The following GFRA2 variants were observed in gnomAD, a reference collection of about 807,000 sequenced individuals.
GFRA2 encodes GDNF family receptor alpha 2.
Under a neutral mutation model 48.3 loss-of-function variants are expected in GFRA2, and 17 were observed. That is an observed-to-expected ratio of 0.35 (90% CI 0.24 to 0.53). The LOEUF is 0.53. Ranked by LOEUF, GFRA2 falls within the 20% of genes least tolerant of loss-of-function variation. The pLI is 0.93. For missense variants in GFRA2, 660 were observed against 637.3 expected (o/e 1.04, Z -0.38); for synonymous variants, 305 against 257.2 (o/e 1.19, Z -1.78).
chr8:21,784,049 T>A (rs1807147766), intron 1 of GFRA2, among the ~76,000 whole-genome samples: 1 of 151,826 alleles, frequency 6.6e-6, no homozygotes, highest in South Asian at 2.1e-4. Context: ...GCCTTGCAAA[T>A]GGAACCTTGC....
chr8:21,727,541 C>T (rs554795163), intron 4 of GFRA2, among the ~76,000 whole-genome samples: 1 of 152,198 alleles, frequency 6.6e-6, no homozygotes, highest in Non-Finnish European at 1.5e-5. Context: ...CATCACGGCC[C>T]CCCCCAGGAG....
intron 3 of GFRA2, chr8:21,769,209 G>A (rs1806323889): frequency 4.1e-6 from 4 of 983,306 alleles, no homozygotes; most frequent in Non-Finnish European, 4.8e-6. Flanking sequence ...ATTATTTACT[G>A]AACAAAACAT....
At chr8:21,803,440 G>C (rs1024110740) in intron 2 of GFRA2, among the ~76,000 whole-genome samples, 51 of 152,252 alleles carry the variant, frequency 3.3e-4, no homozygotes, top group African/African-American at 1.2e-3. Flanking sequence ...GGGGTGTTTG[G>C]CTAATCAGAG....
At chr8:21,699,462 T>C (rs762980126) in intron 7 of GFRA2, among the ~76,000 whole-genome samples, 60 of 152,110 alleles carry the variant, frequency 3.9e-4, no homozygotes, top group Non-Finnish European at 6.8e-4. Flanking sequence ...TCCCTGGTGC[T>C]GGGAAAGGTG....
intron 4 of GFRA2, among the ~76,000 whole-genome samples, chr8:21,744,834 T>C (rs1423650143): frequency 6.6e-6 from 1 of 152,140 alleles, no homozygotes; most frequent in Non-Finnish European, 1.5e-5. Flanking sequence ...GCTCGTGCGA[T>C]ATGAACCAGA....
chr8:21,725,138 A>T (rs1440736100), intron 4 of GFRA2, among the ~76,000 whole-genome samples: 1 of 152,228 alleles, frequency 6.6e-6, no homozygotes, highest in Non-Finnish European at 1.5e-5. Flanking sequence ...CCATCTTCAA[A>T]GCAGAACCAG....
At chr8:21,785,305 A>C (rs1807216535) in intron 1 of GFRA2, among the ~76,000 whole-genome samples, 2 of 152,098 alleles carry the variant, frequency 1.3e-5, no homozygotes, top group African/African-American at 4.8e-5. Flanking sequence ...GCCACCTGGC[A>C]CGTGTGGCCA....
intron 7 of GFRA2, among the ~76,000 whole-genome samples, chr8:21,696,693 G>A (rs1802193700): frequency 6.6e-6 from 1 of 152,206 alleles, no homozygotes; most frequent in Non-Finnish European, 1.5e-5. Context: ...AAGGGGGCCT[G>A]CAACTGGACT....
chr8:21,699,522 G>C (rs901696282), intron 7 of GFRA2, among the ~76,000 whole-genome samples: 1 of 152,146 alleles, frequency 6.6e-6, no homozygotes, highest in Admixed American at 6.5e-5. Context: ...TCTGGGCCCA[G>C]AGTAGCCCCA....
chr8:21,727,782 G>A (rs769609109), intron 4 of GFRA2, among the ~76,000 whole-genome samples: 3 of 152,166 alleles, frequency 2.0e-5, no homozygotes, highest in East Asian at 1.9e-4. Flanking sequence ...CGGTCTCTCC[G>A]CAATGACAGC....
At chr8:21,779,249 G>A (rs376308414) in intron 2 of GFRA2, among the ~76,000 whole-genome samples, 4 of 152,170 alleles carry the variant, frequency 2.6e-5, no homozygotes, top group Non-Finnish European at 5.9e-5. Context: ...AGGCACTCCC[G>A]ATCAAGGGGC....
upstream of GFRA2, among the ~76,000 whole-genome samples, chr8:21,790,773 CCT>C (rs1460557347): frequency 6.6e-6 from 1 of 152,214 alleles, no homozygotes; most frequent in African/African-American, 2.4e-5. Flanking sequence ...TTCCTCCAAG[CCT>C]CTCATGTTCT....
At position 21,804,200 on chromosome 8, in the gene GFRA2, G is replaced by GCACA. The variant is rs146613602; in HGVS notation, c.-36+813_-36+816dup. On this transcript the variant is annotated intron_variant, in intron 2 of 10. Transcript: ENST00000517328. Reference sequence around the variant, plus strand: ...AGTCACTAATTTTACATACATACATGCACACACACACACACACACACACAC... The same window carrying GCACA: ...AGTCACTAATTTTACATACATACATGCACACACACACACACACACACACACACAC... 4.4e-3 allele frequency among the ~76,000 whole-genome samples: 639 copies of GCACA among 145,138 alleles called. 3 individuals carry two copies. Among genetic ancestry groups the GCACA allele is most frequent in the African/African-American group, 0.014 (578 of 40,176 alleles).
intron 4 of GFRA2, chr8:21,706,431 A>T: frequency 2.2e-6 from 1 of 463,526 alleles, no homozygotes. Flanking sequence ...GCCCTGGATG[A>T]GCCTGCCCAA....
intron 2 of GFRA2, among the ~76,000 whole-genome samples, chr8:21,802,191 G>A (rs1807784365): frequency 6.6e-6 from 1 of 152,200 alleles, no homozygotes; most frequent in Admixed American, 6.5e-5. Flanking sequence ...CCACTTTCTA[G>A]CTGCCTGGCT....
intron 1 of GFRA2, 136 bp downstream of exon 1, chr8:21,787,984 C>T (rs1331561072): frequency 2.1e-6 from 1 of 472,518 alleles, no homozygotes. Context: ...GCTCGGTTCG[C>T]CAGCACCGGG....
upstream of GFRA2, among the ~76,000 whole-genome samples, chr8:21,792,581 T>C (rs1807591791): frequency 6.6e-6 from 1 of 152,074 alleles, no homozygotes; most frequent in African/African-American, 2.4e-5. Context: ...TATGAGAAGA[T>C]ACTGAAAAAA....
At chr8:21,761,880 G>A (rs13257704) in intron 3 of GFRA2, among the ~76,000 whole-genome samples, 5,800 of 152,136 alleles carry the variant, frequency 0.038, 161 homozygotes, top group Middle Eastern at 0.071. Flanking sequence ...AACCAGGGAG[G>A]TGGAAGTTGC....
intron 4 of GFRA2, among the ~76,000 whole-genome samples, chr8:21,721,298 C>T (rs2117446342): frequency 6.6e-6 from 1 of 152,246 alleles, no homozygotes; most frequent in Admixed American, 6.5e-5. Context: ...TGGTTAGAAA[C>T]TTGGAAAAGT....
Sources: gnomAD v4.1 joint callset for allele counts (sites outside exome capture counted in the v4.1 genomes callset) on GRCh38, gnomAD v4.1.1 for gene constraint, MANE v1.5 for transcripts, NCBI Gene and HGNC (gene_info 2026-07-23, HGNC 2026-07-21) for gene names.